The following PXN variants were observed in gnomAD, a reference collection of about 807,000 sequenced individuals.
PXN encodes paxillin.
In PXN, 61 loss-of-function variants were observed where a neutral mutation model predicts 103.6. The observed-to-expected ratio is 0.59, with a 90% CI of 0.48 to 0.73. The LOEUF is 0.73. PXN is among the 30% of genes least tolerant of loss of function. The pLI, the probability that PXN is intolerant of heterozygous loss-of-function variation, is 0.00. For synonymous variants in PXN, 562 were observed against 607.8 expected (o/e 0.92, Z 1.11); for missense variants, 1,274 against 1,460.3 (o/e 0.87, Z 2.08).
At chr12:120,253,168 C>G (rs1438583529) in intron 1 of PXN, among the ~76,000 whole-genome samples, 1 of 152,072 alleles carries the variant, frequency 6.6e-6, no homozygotes, top group East Asian at 1.9e-4. Flanking sequence ...CTTGAGGTTT[C>G]CCATATGAAA....
At chr12:120,253,685 T>C (rs568592039) in intron 1 of PXN, among the ~76,000 whole-genome samples, 1 of 152,276 alleles carries the variant, frequency 6.6e-6, no homozygotes, top group East Asian at 1.9e-4. Context: ...AAAATGATCG[T>C]CAATGGACAA....
rs556380398 is a variant in PXN, at chr12:120,264,032, A to C, written c.13+1585T>G. Among the ~76,000 whole-genome samples the C allele has an allele frequency of 1.3e-3, 195 of 152,268 alleles. 1 individual carries two copies. Among genetic ancestry groups the C allele is most frequent in the African/African-American group, 4.4e-3 (181 of 41,562 alleles). ...AGCTGAGCTATTTTTATGTGAAAAA[A>C]AAAAATACCTGCCTGGAAGCCATGC... On this transcript the variant is annotated intron_variant, in intron 1 of 14. Transcript: ENST00000637617.
Position 120,215,519 on chromosome 12 carries a change from A to G in PXN, c.2403+41T>C. On this transcript the variant is annotated intron_variant, in intron 10 of 14. Coordinates refer to ENST00000637617, the MANE Select transcript of PXN (RefSeq NM_001385981.1). This position sits in a 1 kb window ranked among gnomAD's most constrained non-coding sequence, Gnocchi z 4.9. Reference sequence around the variant, plus strand: ...AGCAGGCATGGCCAAGCCCAGGGAGAGCACGACACGCAGGACACCCAGCCC... The same window carrying G: ...AGCAGGCATGGCCAAGCCCAGGGAGGGCACGACACGCAGGACACCCAGCCC... 1.3e-6 allele frequency: 2 copies of G among 1,536,468 alleles called. No individual in the cohort carries two copies. The highest frequency in any genetic ancestry group is 1.4e-5 in the African/African-American group (1 of 72,770).
intron 1 of PXN, among the ~76,000 whole-genome samples, chr12:120,256,208 C>T (rs1426771958): frequency 6.6e-6 from 1 of 151,932 alleles, no homozygotes; most frequent in Non-Finnish European, 1.5e-5. Flanking sequence ...GCCAGGAGTT[C>T]GAGACCAGCC....
At chr12:120,258,750 T>C (rs1425115710) in intron 1 of PXN, among the ~76,000 whole-genome samples, 1 of 152,132 alleles carries the variant, frequency 6.6e-6, no homozygotes, top group Non-Finnish European at 1.5e-5. Context: ...ATATCCTTTT[T>C]TTCATTATAT....
intron 3 of PXN, among the ~76,000 whole-genome samples, 163 bp from the exon 4 acceptor site, chr12:120,223,162 G>A (rs1288396571): frequency 6.6e-6 from 1 of 151,250 alleles, no homozygotes; most frequent in East Asian, 2.0e-4. Flanking sequence ...GAGGGGAGGA[G>A]GCCGGGCACA....
intron 1 of PXN, among the ~76,000 whole-genome samples, chr12:120,237,126 CGTGTGTGTGT>C (rs147625061): frequency 7.0e-6 from 1 of 142,424 alleles, no homozygotes; most frequent in African/African-American, 2.7e-5. Flanking sequence ...TATGTATGTA[CGTGTGTGTGT>C]GTGTGTGTGT....
chr12:120,243,483 A>T (rs1890511690), intron 1 of PXN, among the ~76,000 whole-genome samples: 1 of 152,182 alleles, frequency 6.6e-6, no homozygotes, highest in African/African-American at 2.4e-5. Flanking sequence ...TGAGGGCAGA[A>T]ATTTGAGACC....
rs1265132039 is a variant in PXN at position 120,220,257 on chromosome 12, C to T, written c.832-166G>A. On this transcript the variant is annotated intron_variant, in intron 6 of 14. Coordinates refer to ENST00000637617, the MANE Select transcript of PXN (RefSeq NM_001385981.1). The surrounding 1 kb of genome is among the most constrained non-coding windows in gnomAD (Gnocchi z 6.1). ...GGAGACCCAGACCCCAAAAAAGCTT[C>T]CCTGGGCTTTGCGTGCTTAGCCCTC... Among the ~76,000 whole-genome samples, 1 of 152,170 alleles carries T rather than the reference C, an allele frequency of 6.6e-6. No individual in the cohort carries two copies. The highest frequency in any genetic ancestry group is 1.9e-4 in the East Asian group (1 of 5,182).
rs1002523562 is a variant in PXN, at chr12:120,221,206, C to A, written c.831+417G>T. On this transcript the variant is annotated intron_variant, in intron 6 of 14. Coordinates refer to ENST00000637617, the MANE Select transcript of PXN (RefSeq NM_001385981.1). This position sits in a 1 kb window ranked among gnomAD's most constrained non-coding sequence, Gnocchi z 6.6. Reference sequence around the variant, plus strand: ...AGGACAGCTAGCGTGGGAGATGGGGCTCCAGGGCAAATGACCTCCCAGGCA... The same window carrying A: ...AGGACAGCTAGCGTGGGAGATGGGGATCCAGGGCAAATGACCTCCCAGGCA... 2.6e-5 allele frequency among the ~76,000 whole-genome samples: 4 copies of A among 152,148 alleles called. No homozygotes were observed. Among genetic ancestry groups the A allele is most frequent in the African/African-American group, 9.7e-5 (4 of 41,434 alleles).
intron 1 of PXN, among the ~76,000 whole-genome samples, chr12:120,235,450 G>A (rs1361546432): frequency 2.0e-5 from 3 of 152,048 alleles, no homozygotes; most frequent in African/African-American, 7.2e-5. Flanking sequence ...AAGGCCCCAC[G>A]AGGACTGCGC....
At chr12:120,218,042 A>AT (rs1167466002) in intron 7 of PXN, among the ~76,000 whole-genome samples, 2,658 of 99,230 alleles carry the variant, frequency 0.027, 126 homozygotes, top group African/African-American at 0.075. Flanking sequence ...AGCTTGGGGG[A>AT]TTTTTTTTTT....
chr12:120,215,288 G>C lies in PXN; in HGVS notation c.2404-15C>G. On this transcript the variant is annotated splice_polypyrimidine_tract_variant and intron_variant, in intron 10 of 14. Coordinates refer to ENST00000637617, the MANE Select transcript of PXN (RefSeq NM_001385981.1). This position sits in a 1 kb window ranked among gnomAD's most constrained non-coding sequence, Gnocchi z 4.9. ...TGGGCCATGAACTGTGGACACGGAG[G>C]GGGCTGGTCAGGACTCCTGAGGCTC... The C allele has an allele frequency of 6.3e-7, 1 of 1,576,014 alleles. No homozygotes were observed. Among genetic ancestry groups the C allele is most frequent in the East Asian group, 2.3e-5 (1 of 43,034 alleles).
rs543987902 is a variant in PXN, at chr12:120,220,842, G to A, written c.832-751C>T. On this transcript the variant is annotated intron_variant, in intron 6 of 14. Coordinates refer to ENST00000637617, the MANE Select transcript of PXN (RefSeq NM_001385981.1). The surrounding 1 kb of genome is among the most constrained non-coding windows in gnomAD (Gnocchi z 6.1). ...CATCAGGGCCAAGGGTGCAGGGACC[G>A]TTCACTCCCCTCTCATATTCCCTAG... 5.9e-5 allele frequency among the ~76,000 whole-genome samples: 9 copies of A among 152,246 alleles called. No individual in the cohort carries two copies. Among genetic ancestry groups the A allele is most frequent in the East Asian group, 1.9e-4 (1 of 5,184 alleles).
At chr12:120,226,529 A>G in intron 1 of PXN, 1 of 1,233,746 alleles carries the variant, frequency 8.1e-7, no homozygotes, top group African/African-American at 1.6e-5. Flanking sequence ...TTCCTTGTCA[A>G]ACATTTTGAA....
At chr12:120,262,328 T>C (rs1331653892) in intron 1 of PXN, among the ~76,000 whole-genome samples, 1 of 152,236 alleles carries the variant, frequency 6.6e-6, no homozygotes. Flanking sequence ...AGTCTTGCAC[T>C]GGACACACCC....
Position 120,219,821 on chromosome 12 carries a change from C to T in PXN, c.1102G>A (p.Val368Met), listed in dbSNP as rs899406154. 4.3e-5 allele frequency: 69 copies of T among 1,598,328 alleles called. No homozygotes were observed. Among genetic ancestry groups the T allele is most frequent in the Non-Finnish European group, 5.8e-5 (69 of 1,179,810 alleles). Reference sequence around the variant, plus strand: ...CCCACTGCCCACAGAGAACCCTCCACAGAGGGAGACCTTGAGTTGAAGGTG... The same window carrying T: ...CCCACTGCCCACAGAGAACCCTCCATAGAGGGAGACCTTGAGTTGAAGGTG... ...PDTFNSRSPS[V>M]EGSLWAVGTE... The change falls in exon 7 of 15, where the codon GTG (valine) becomes ATG (methionine). Residue 368 changes from valine to methionine, a missense_variant. Val to Met is a conservative substitution (Grantham distance 21). Transcript: ENST00000637617. This position sits in a 1 kb window ranked among gnomAD's most constrained non-coding sequence, Gnocchi z 6.5.
chr12:120,227,702 G>A (rs530243633), intron 1 of PXN, among the ~76,000 whole-genome samples: 7 of 152,092 alleles, frequency 4.6e-5, no homozygotes, highest in Non-Finnish European at 1.0e-4. Flanking sequence ...CAAGGACTAG[G>A]CAAGAGGGGT....
intron 1 of PXN, among the ~76,000 whole-genome samples, chr12:120,257,490 C>T (rs1028879391): frequency 1.3e-5 from 2 of 152,180 alleles, no homozygotes; most frequent in African/African-American, 4.8e-5. Flanking sequence ...TGAAAGAAGA[C>T]CTTGGCATGA....
Sources: gnomAD v4.1 joint callset for allele counts (sites outside exome capture counted in the v4.1 genomes callset) on GRCh38, gnomAD v4.1.1 for gene constraint, Gnocchi (gnomAD v3.1) non-coding constraint, MANE v1.5 for transcripts, NCBI Gene and HGNC (gene_info 2026-07-23, HGNC 2026-07-21) for gene names.